Variants in R3HDM1 observed in about 807,000 individuals in gnomAD.
The protein encoded by R3HDM1 is R3H domain containing 1.
In R3HDM1, 46 loss-of-function variants were observed where a neutral mutation model predicts 141.1. The ratio of observed to expected loss-of-function variants is 0.33; its 90% CI spans 0.26 to 0.42. R3HDM1 has a LOEUF of 0.42. R3HDM1 is among the 10% of genes least tolerant of loss of function. The pLI is 1.00. For synonymous variants in R3HDM1, 435 were observed against 472.9 expected (o/e 0.92, Z 1.04); for missense variants, 1,184 against 1,368.3 (o/e 0.87, Z 2.12).
intron 1 of R3HDM1, chr2:135,550,181 C>T (rs1699565506): frequency 4.1e-6 from 4 of 984,680 alleles, no homozygotes; most frequent in Non-Finnish European, 4.8e-6. Flanking sequence ...CACTCCACAG[C>T]TTTTTGTGAG....
intron 21 of R3HDM1, among the ~76,000 whole-genome samples, 197 bp downstream of exon 21, chr2:135,680,521 G>A (rs533102488): frequency 6.6e-6 from 1 of 152,212 alleles, no homozygotes; most frequent in Non-Finnish European, 1.5e-5. Flanking sequence ...TATAATCCCA[G>A]CACTTTGGGA....
At chr2:135,603,067 C>G (rs891862561) in intron 2 of R3HDM1, among the ~76,000 whole-genome samples, 1 of 152,074 alleles carries the variant, frequency 6.6e-6, no homozygotes, top group Admixed American at 6.5e-5. Context: ...CTGCAACCTC[C>G]GCCTCCCAGG....
At chr2:135,678,738 T>TAAC (rs2069657523) in intron 20 of R3HDM1, among the ~76,000 whole-genome samples, 1 of 149,820 alleles carries the variant, frequency 6.7e-6, no homozygotes, top group Admixed American at 6.7e-5. Flanking sequence ...TCAGTGGTTA[T>TAAC]AGTGGTTATA....
intron 1 of R3HDM1, among the ~76,000 whole-genome samples, chr2:135,556,863 A>C (rs1455745681): frequency 6.6e-6 from 1 of 152,150 alleles, no homozygotes; most frequent in Non-Finnish European, 1.5e-5. Context: ...TCATATAGAA[A>C]AAAAAAACTA....
rs74424318 is a variant in R3HDM1 at position 135,616,203 on chromosome 2, A to G, written c.213+10A>G. On this transcript the variant is annotated intron_variant, in intron 4 of 26. Transcript: ENST00000683871. ...AGGAAAAAGGTCTAAGGTATAGTAA[A>G]TATTTTGGTGTGCTGGCATGCCAAG... 2.5e-4 allele frequency: 400 copies of G among 1,609,934 alleles called. 2 individuals are homozygous for G. The East Asian group carries it at 8.4e-3, about 34-fold the overall frequency.
At chr2:135,661,241 AT>A in intron 18 of R3HDM1, 28 bp from the exon 19 acceptor site, 1 of 1,612,432 alleles carries the variant, frequency 6.2e-7, no homozygotes, top group Non-Finnish European at 8.5e-7. Context: ...AGTAAAATTG[AT>A]TTTTTCCCGC....
intron 5 of R3HDM1, among the ~76,000 whole-genome samples, chr2:135,618,799 C>A (rs1426617703): frequency 6.6e-6 from 1 of 152,036 alleles, no homozygotes; most frequent in Non-Finnish European, 1.5e-5. Flanking sequence ...GCAGGTGGAT[C>A]ATTTAAGGTC....
intron 17 of R3HDM1, chr2:135,650,696 A>G (rs2105276978): frequency 2.0e-6 from 2 of 983,814 alleles, no homozygotes; most frequent in African/African-American, 3.5e-5. Context: ...TAAAGTGTCA[A>G]AGTGACAGTT....
chr2:135,722,939 T>C (rs2076836078), intron 26 of R3HDM1, among the ~76,000 whole-genome samples: 1 of 152,180 alleles, frequency 6.6e-6, no homozygotes, highest in Non-Finnish European at 1.5e-5. Context: ...TTTAACTTTC[T>C]ACTCAGCAGC....
At chr2:135,715,288 C>T (rs2076055309) in intron 23 of R3HDM1, among the ~76,000 whole-genome samples, 1 of 151,946 alleles carries the variant, frequency 6.6e-6, no homozygotes, top group Non-Finnish European at 1.5e-5. Context: ...GGGAGAATGG[C>T]GTGAACCTGG....
Position 135,641,772 on chromosome 2 carries a change from C to G in R3HDM1, c.1456C>G (p.Leu486Val). ...EAAGIPPGSI[L>V]INPQTGQPFI... ...GGCAGGCATACCACCTGGCAGTATT[C>G]TGATCAACCCACAAACAGGTTGGTA... The change falls in exon 15 of 27, where the codon CTG (leucine) becomes GTG (valine). Residue 486 changes from leucine (L) to valine (V), a missense_variant. Physicochemically the swap from Leu to Val is conservative, Grantham distance 32. Transcript: ENST00000683871. 6.2e-7 allele frequency: 1 copy of G among 1,613,526 alleles called. No individual in the cohort carries two copies. The highest frequency in any genetic ancestry group is 8.5e-7 in the Non-Finnish European group (1 of 1,179,790).
In R3HDM1 at chr2:135,650,004, G is replaced by A; in HGVS notation, c.1725+1G>A. On this transcript the variant is annotated splice_donor_variant, in intron 17 of 26. Coordinates refer to ENST00000683871, the MANE Select transcript of R3HDM1 (RefSeq NM_001378107.1). LOFTEE classifies it high-confidence loss of function. ...CTCACCCACCCAGCAATACTCTGTG[G>A]TACTATATCTCTATTCACCTCCTGC... is the stretch of plus-strand genomic sequence containing the variant. 7.9e-7 allele frequency: 1 copy of A among 1,267,888 alleles called. No homozygotes were observed. The highest frequency in any genetic ancestry group is 1.0e-6 in the Non-Finnish European group (1 of 970,564). The allele number at this position is 1,267,888 out of a possible 1,614,324, so 78.5% of individuals were successfully genotyped here.
chr2:135,655,015 T>A (rs979484953), intron 18 of R3HDM1, among the ~76,000 whole-genome samples: 2 of 152,158 alleles, frequency 1.3e-5, no homozygotes, highest in African/African-American at 4.8e-5. Flanking sequence ...GTCTTTTTAG[T>A]TTCTTAATAA....
At chr2:135,612,515 TA>T (rs2060639611) in intron 3 of R3HDM1, among the ~76,000 whole-genome samples, 1 of 152,212 alleles carries the variant, frequency 6.6e-6, no homozygotes, top group Non-Finnish European at 1.5e-5. Context: ...TAGTAGCTGG[TA>T]ACTCTGACAA....
chr2:135,724,398 T>C lies in R3HDM1; in HGVS notation c.*106T>C, dbSNP rs187633452. The C allele has an allele frequency of 1.2e-6, 1 of 851,480 alleles. No individual in the cohort carries two copies. Among genetic ancestry groups the C allele is most frequent in the East Asian group, 2.7e-5 (1 of 37,202 alleles). The allele number at this position is 851,480 out of a possible 1,614,324, so 52.7% of individuals were successfully genotyped here. Reference sequence around the variant, plus strand: ...TAACATTATAGAGACTCCTAGGATGTGTGTTCATGGCATTATAGCTTTTGA... The same window carrying C: ...TAACATTATAGAGACTCCTAGGATGCGTGTTCATGGCATTATAGCTTTTGA... On this transcript the variant is annotated 3_prime_UTR_variant, in exon 27 of 27. Coordinates refer to ENST00000683871, the MANE Select transcript of R3HDM1 (RefSeq NM_001378107.1).
In R3HDM1 at chr2:135,621,698, T is replaced by A. The variant is rs1245950805; in HGVS notation, c.418+90T>A. 3 of 1,371,402 alleles carry A rather than the reference T, an allele frequency of 2.2e-6. No individual in the cohort carries two copies. In the African/African-American group the frequency reaches 4.4e-5, roughly 20 times the overall value. 85.0% of individuals were successfully genotyped at this position (1,371,402 alleles called of 1,614,324 possible). ...CTTGAATAATTATATATAGTATATC[T>A]TTATGTAAAATGACACAGAACAGAC... is the stretch of plus-strand genomic sequence containing the variant. On this transcript the variant is annotated intron_variant, in intron 6 of 26. Transcript: ENST00000683871.
intron 1 of R3HDM1, chr2:135,566,760 A>C (rs1702867497): frequency 1.0e-6 from 1 of 985,172 alleles, no homozygotes; most frequent in Non-Finnish European, 1.2e-6. Context: ...CAAAACTGTA[A>C]GCCCAGCGCG....
intron 7 of R3HDM1, 55 bp downstream of exon 7, chr2:135,622,787 A>C: frequency 6.8e-7 from 1 of 1,478,952 alleles, no homozygotes; most frequent in Non-Finnish European, 9.0e-7. Context: ...TAATTTTGCT[A>C]TATATGTTTT....
chr2:135,681,608 C>T (rs1254846053), intron 21 of R3HDM1, among the ~76,000 whole-genome samples: 5 of 152,136 alleles, frequency 3.3e-5, no homozygotes, highest in Non-Finnish European at 5.9e-5. Context: ...CATAATCAAG[C>T]TACATGGTTC....
Sources: allele counts gnomAD v4.1 joint callset (sites outside exome capture counted in the v4.1 genomes callset), GRCh38; gene constraint gnomAD v4.1.1; transcripts MANE v1.5; gene names NCBI Gene and HGNC (gene_info 2026-07-23, HGNC 2026-07-21).